Variants in CPQ observed in about 807,000 individuals in gnomAD.
CPQ encodes the protein Ser-Met dipeptidase.
A neutral mutation model predicts 45.7 loss-of-function variants in CPQ; 37 were observed. The ratio of observed to expected loss-of-function variants is 0.81; its 90% confidence interval spans 0.62 to 1.07. The LOEUF is 1.07. Ranked by LOEUF, CPQ falls within the 50% of genes least tolerant of loss-of-function variation. The pLI is 0.00. For synonymous variants in CPQ, 186 were observed against 205.8 expected (o/e 0.90, Z 0.82); for missense variants, 537 against 572.9 (o/e 0.94, Z 0.64).
intron 1 of CPQ, among the ~76,000 whole-genome samples, chr8:96,749,173 G>A (rs1201600817): frequency 1.3e-5 from 2 of 151,918 alleles, no homozygotes; most frequent in Non-Finnish European, 2.9e-5. Flanking sequence ...GTCTTGTTTT[G>A]ACTAAGATAT....
intron 1 of CPQ, among the ~76,000 whole-genome samples, chr8:96,662,536 A>T (rs1815711997): frequency 6.6e-6 from 1 of 152,186 alleles, no homozygotes; most frequent in Non-Finnish European, 1.5e-5. Flanking sequence ...AGCTGGCATA[A>T]TTAGGTAGAC....
chr8:96,902,537 G>A (rs1335587507), intron 4 of CPQ, among the ~76,000 whole-genome samples: 1 of 152,144 alleles, frequency 6.6e-6, no homozygotes, highest in African/African-American at 2.4e-5. Context: ...GTGTGTGTTG[G>A]AGAAGAGGGG....
At chr8:97,023,018 G>A (rs1809729434) in intron 5 of CPQ, among the ~76,000 whole-genome samples, 1 of 140,820 alleles carries the variant, frequency 7.1e-6, no homozygotes, top group Non-Finnish European at 1.5e-5. Context: ...ACTATATATA[G>A]TATATATATA....
intron 4 of CPQ, among the ~76,000 whole-genome samples, chr8:96,901,008 T>A (rs1424066262): frequency 1.3e-5 from 2 of 152,148 alleles, no homozygotes; most frequent in Non-Finnish European, 2.9e-5. Flanking sequence ...ATCTTTTCAG[T>A]GGCTCCTTGG....
At chr8:96,906,799 AC>A (rs1317788568) in intron 4 of CPQ, among the ~76,000 whole-genome samples, 1 of 151,954 alleles carries the variant, frequency 6.6e-6, no homozygotes, top group Non-Finnish European at 1.5e-5. Flanking sequence ...CCTTCCAAAC[AC>A]CCTGCTTCCT....
In CPQ at chr8:96,754,226, G is replaced by A. The variant is rs140798206; in HGVS notation, c.-34-30638G>A. On this transcript the variant is annotated intron_variant, in intron 1 of 7. Transcript: ENST00000220763. Reference sequence around the variant, plus strand: ...AATGTTATGAGGAAGAAATGGTTCCGTGGTCAAATACACTTGAGAAAGGCA... The same window carrying A: ...AATGTTATGAGGAAGAAATGGTTCCATGGTCAAATACACTTGAGAAAGGCA... 1.8e-3 allele frequency among the ~76,000 whole-genome samples: 267 copies of A among 152,142 alleles called. 9 individuals are homozygous for A. In the East Asian group the frequency reaches 0.044, roughly 25 times the overall value.
At chr8:96,782,510 C>A (rs1810700955) in intron 1 of CPQ, among the ~76,000 whole-genome samples, 1 of 152,136 alleles carries the variant, frequency 6.6e-6, no homozygotes, top group Non-Finnish European at 1.5e-5. Context: ...CCTCAGAGAT[C>A]CCTGAAGTGC....
intron 2 of CPQ, among the ~76,000 whole-genome samples, chr8:96,815,052 G>C (rs1483734758): frequency 1.3e-5 from 2 of 152,216 alleles, no homozygotes; most frequent in Non-Finnish European, 1.5e-5. Flanking sequence ...TAATGGTACT[G>C]TGTTTGTCGT....
In CPQ at chr8:96,730,827, G is replaced by A. The variant is rs560137460; in HGVS notation, c.-34-54037G>A. 4.5e-5 allele frequency among the ~76,000 whole-genome samples: 6 copies of A among 132,828 alleles called. No individual in the cohort carries two copies. The South Asian group carries it at 1.3e-3, about 28-fold the overall frequency. 87.1% of individuals were successfully genotyped at this position (132,828 alleles called of 152,430 possible). ...CCAAGTAATTCTAATGAGTATCTAA[G>A]TTTGAGGACCACTGATCTAGATCAA... On this transcript the variant is annotated intron_variant, in intron 1 of 7. Coordinates refer to ENST00000220763, the MANE Select transcript of CPQ (RefSeq NM_016134.4).
At chr8:97,118,566 C>T (rs1485899791) in intron 7 of CPQ, among the ~76,000 whole-genome samples, 2 of 152,172 alleles carry the variant, frequency 1.3e-5, no homozygotes, top group Non-Finnish European at 2.9e-5. Context: ...TAAAAACCTA[C>T]ATAGCAGGGT....
intron 4 of CPQ, among the ~76,000 whole-genome samples, chr8:96,891,869 G>T (rs1812381901): frequency 6.6e-6 from 1 of 152,098 alleles, no homozygotes; most frequent in Non-Finnish European, 1.5e-5. Context: ...CAACCGTCCT[G>T]GTCTAGGAAG....
At chr8:97,083,257 A>G (rs761173073) in intron 7 of CPQ, among the ~76,000 whole-genome samples, 4 of 152,198 alleles carry the variant, frequency 2.6e-5, no homozygotes, top group Non-Finnish European at 5.9e-5. Context: ...TTAAAGCATT[A>G]TTGAAAAAGC....
chr8:96,663,275 C>T (rs1808868677), intron 1 of CPQ, among the ~76,000 whole-genome samples: 2 of 152,026 alleles, frequency 1.3e-5, no homozygotes, highest in Admixed American at 6.6e-5. Flanking sequence ...GACTGTCTGG[C>T]ACAAACTACA....
At chr8:96,907,140 AAC>A (rs1481600910) in intron 4 of CPQ, among the ~76,000 whole-genome samples, 1 of 152,214 alleles carries the variant, frequency 6.6e-6, no homozygotes, top group Non-Finnish European at 1.5e-5. Flanking sequence ...ACAGAGAACC[AAC>A]AATCTAGTGG....
intron 4 of CPQ, among the ~76,000 whole-genome samples, chr8:96,898,559 C>A (rs1413593755): frequency 7.0e-6 from 1 of 141,972 alleles, no homozygotes; most frequent in Non-Finnish European, 1.5e-5. Context: ...TGTAATACTG[C>A]TGTTAAAACC....
At chr8:96,934,396 C>T (rs1026294591) in intron 4 of CPQ, among the ~76,000 whole-genome samples, 1 of 152,076 alleles carries the variant, frequency 6.6e-6, no homozygotes, top group Non-Finnish European at 1.5e-5. Flanking sequence ...GAGGGCATTC[C>T]AGGCAGGGGC....
chr8:96,916,503 A>G (rs1278119729), intron 4 of CPQ, among the ~76,000 whole-genome samples: 2 of 152,130 alleles, frequency 1.3e-5, no homozygotes, highest in East Asian at 3.9e-4. Context: ...AAATTTTAGA[A>G]TAGTTTTAAA....
rs145622173 is a variant in CPQ, at chr8:96,785,045, A to G, written c.148A>G (p.Ile50Val). ...CAGCTGTGGAGATGTTGCTAAAGCAATCATCAACCTAGCTGTTTATGGTAA... is the reference window on the plus strand; with the variant it reads ...CAGCTGTGGAGATGTTGCTAAAGCAGTCATCAACCTAGCTGTTTATGGTAA... Reference protein sequence around the residue: ...IASCGDVAKAIINLAVYGKAQ... With the variant: ...IASCGDVAKAVINLAVYGKAQ... Residue 50 changes from isoleucine to valine, a missense_variant, in exon 2 of 8, where the codon ATC (isoleucine) becomes GTC (valine). Ile to Val is a conservative substitution (Grantham distance 29). Coordinates refer to ENST00000220763, the MANE Select transcript of CPQ (RefSeq NM_016134.4). 797 of 1,613,774 alleles carry G rather than the reference A, an allele frequency of 4.9e-4. 1 individual carries two copies. The highest frequency in any genetic ancestry group is 6.4e-4 in the Non-Finnish European group (751 of 1,179,872).
chr8:96,776,730 G>A (rs927339404), intron 1 of CPQ, among the ~76,000 whole-genome samples: 1 of 152,080 alleles, frequency 6.6e-6, no homozygotes, highest in African/African-American at 2.4e-5. Context: ...ACATTATAAA[G>A]AATTTTATCT....
Sources: gnomAD v4.1 joint callset for allele counts (sites outside exome capture counted in the v4.1 genomes callset) on GRCh38, gnomAD v4.1.1 for gene constraint, MANE v1.5 for transcripts, NCBI Gene and HGNC (gene_info 2026-07-23, HGNC 2026-07-21) for gene names.